The following SLC6A3 variants were observed in gnomAD, a reference collection of about 807,000 sequenced individuals.
The protein encoded by SLC6A3 is solute carrier family 6 member 3.
SLC6A3 carries 19 observed loss-of-function variants against 70.4 expected under a neutral mutation model. The ratio of observed to expected loss-of-function variants is 0.27; its 90% confidence interval spans 0.19 to 0.40. The LOEUF is 0.40. Among genes scored for constraint, SLC6A3 ranks in the 10% least tolerant of loss-of-function variants. SLC6A3 has a pLI of 1.00. For missense variants in SLC6A3, 613 were observed against 838.5 expected (o/e 0.73, Z 3.32); for synonymous variants, 368 against 356.6 (o/e 1.03, Z -0.36).
At chr5:1,403,155 G>A (rs532397620) in intron 12 of SLC6A3, 66 bp from the exon 13 acceptor site, 14 of 1,556,268 alleles carry the variant, frequency 9.0e-6, no homozygotes, top group East Asian at 4.7e-5. Flanking sequence ...AGCAGGGAGC[G>A]GGCAGGCACT....
intron 11 of SLC6A3, among the ~76,000 whole-genome samples, chr5:1,407,375 GA>G (rs28363111): frequency 0.17 from 26,538 of 152,170 alleles, 2,415 homozygotes; most frequent in Non-Finnish European, 0.2. Flanking sequence ...GGTGAGGCCG[GA>G]AGAAGCCAAG....
chr5:1,443,318 G>A (rs1579729765), intron 1 of SLC6A3, 76 bp from the exon 2 acceptor site: 1 of 1,168,982 alleles, frequency 8.6e-7, no homozygotes, highest in East Asian at 2.3e-5. Flanking sequence ...CATACCTGGT[G>A]CGGAGGGCAG....
At chr5:1,409,926 C>T in intron 9 of SLC6A3, 77 bp from the exon 10 acceptor site, 1 of 1,581,192 alleles carries the variant, frequency 6.3e-7, no homozygotes, top group South Asian at 1.1e-5. Context: ...CTACTTGTCA[C>T]CCAGTGGACG....
intron 8 of SLC6A3, among the ~76,000 whole-genome samples, chr5:1,412,907 G>A (rs1435150307): frequency 2.0e-5 from 3 of 152,380 alleles, no homozygotes; most frequent in South Asian, 4.1e-4. Context: ...GACAGCCTCC[G>A]CGTGGGGTGG....
In SLC6A3 at chr5:1,441,420, G is replaced by C; in HGVS notation, c.357C>G (p.Ala119=). ...CCCCTTCCCTGTTGAACTGGCCGAG[G>C]GCCAGCTCCATGTAGAAAAGTGGCA... is the stretch of plus-strand genomic sequence containing the variant. ...AGMPLFYMEL[A]LGQFNREGAA... Residue 119 remains alanine, a synonymous_variant, in exon 3 of 15, where the codon GCC becomes GCG. Transcript: ENST00000270349. 1 of 1,614,212 alleles carries C rather than the reference G, an allele frequency of 6.2e-7. No individual in the cohort carries two copies. Among genetic ancestry groups the C allele is most frequent in the East Asian group, 2.2e-5 (1 of 44,882 alleles).
At chr5:1,434,866 C>T (rs773428250) in intron 3 of SLC6A3, among the ~76,000 whole-genome samples, 1 of 152,104 alleles carries the variant, frequency 6.6e-6, no homozygotes, top group Non-Finnish European at 1.5e-5. Context: ...ACCTTGAAAG[C>T]AAAAAGAAGA....
intron 3 of SLC6A3, among the ~76,000 whole-genome samples, chr5:1,435,630 G>A (rs549463182): frequency 2.6e-5 from 4 of 152,394 alleles, no homozygotes; most frequent in African/African-American, 9.6e-5. Context: ...ATGGGACAGT[G>A]CAGCCCCCAC....
rs113262982 is a variant in SLC6A3, at chr5:1,437,251, C to CA, written c.418+4107dup. On this transcript the variant is annotated intron_variant, in intron 3 of 14. Transcript: ENST00000270349. This position sits in a 1 kb window ranked among gnomAD's most constrained non-coding sequence, Gnocchi z 4.8. ...GGTGACAGAGCGAGATTCCGTCTCACAAAAAAAAAAAAAAAGAAAAGAAAA... is the reference window on the plus strand; with the variant it reads ...GGTGACAGAGCGAGATTCCGTCTCACAAAAAAAAAAAAAAAAGAAAAGAAAA... Among the ~76,000 whole-genome samples the CA allele has an allele frequency of 0.044, 5,171 of 116,792 alleles. 137 individuals are homozygous for CA. The highest frequency in any genetic ancestry group is 0.054 in the Non-Finnish European group (3,054 of 56,956). 76.6% of individuals were successfully genotyped at this position (116,792 alleles called of 152,430 possible). A position where few individuals can be genotyped will look rare whatever the true frequency, so the allele number is the denominator to read the frequency against.
In SLC6A3 at chr5:1,438,302, G is replaced by T. The variant is rs575456003; in HGVS notation, c.418+3057C>A. 6.6e-6 allele frequency among the ~76,000 whole-genome samples: 1 copy of T among 152,342 alleles called. No individual in the cohort carries two copies. The highest frequency in any genetic ancestry group is 6.5e-5 in the Admixed American group (1 of 15,302). ...GGCCACACTTTGCAGCCCTCCTCTG[G>T]GACTAGTCTTCAGAACGAAGCTGGC... On this transcript the variant is annotated intron_variant, in intron 3 of 14. Coordinates refer to ENST00000270349, the MANE Select transcript of SLC6A3 (RefSeq NM_001044.5). This position sits in a 1 kb window ranked among gnomAD's most constrained non-coding sequence, Gnocchi z 6.5.
chr5:1,414,421 C>CAGGGAA (rs781377663), intron 8 of SLC6A3, among the ~76,000 whole-genome samples: 1 of 73,042 alleles, frequency 1.4e-5, no homozygotes, highest in Non-Finnish European at 3.2e-5. Flanking sequence ...AGGGGCAGGG[C>CAGGGAA]GGAGAAGGCA....
rs144264359 is a variant in SLC6A3 at position 1,443,120 on chromosome 5, C to T, written c.78G>A (p.Pro26=). ...APAKEPNAVG[P]KEVELILVKE... The stretch of plus-strand genomic sequence containing the variant: ...TGACAAGGATGAGCTCCACCTCCTT[C>T]GGGCCCACGGCATTGGGCTCCTTAG... The change falls in exon 2 of 15, where the codon CCG becomes CCA. Residue 26 remains proline (P), a synonymous_variant. Coordinates refer to ENST00000270349, the MANE Select transcript of SLC6A3 (RefSeq NM_001044.5). 1.7e-4 allele frequency: 268 copies of T among 1,614,236 alleles called. No homozygotes were observed. In the African/African-American group the frequency reaches 2.8e-3, roughly 17 times the overall value.
In SLC6A3 at chr5:1,414,613, C is replaced by G. The variant is rs1756233266; in HGVS notation, c.1156+78G>C. On this transcript the variant is annotated intron_variant, in intron 8 of 14. Coordinates refer to ENST00000270349, the MANE Select transcript of SLC6A3 (RefSeq NM_001044.5). Reference sequence around the variant, plus strand: ...GGGCCCATGCGTCTCCTTCCTCTTTCACAAGGAAAAAGGCTTTGCTGAGAG... The same window carrying G: ...GGGCCCATGCGTCTCCTTCCTCTTTGACAAGGAAAAAGGCTTTGCTGAGAG... The G allele has an allele frequency of 1.9e-6, 3 of 1,549,868 alleles. No individual in the cohort carries two copies. In the African/African-American group the frequency reaches 4.1e-5, roughly 21 times the overall value.
In SLC6A3 at chr5:1,408,987, CAA is replaced by C. The variant is rs1330553389; in HGVS notation, c.1498+37_1498+38del. On this transcript the variant is annotated intron_variant, in intron 11 of 14. Coordinates refer to ENST00000270349, the MANE Select transcript of SLC6A3 (RefSeq NM_001044.5). This position sits in a 1 kb window ranked among gnomAD's most constrained non-coding sequence, Gnocchi z 6.4. ...GAAGGGGAGTGGCACAGCCACCAAACAAGAGGGTGCCGGCTTGGCTGCCTTCC... is the reference window on the plus strand; with the variant it reads ...GAAGGGGAGTGGCACAGCCACCAAACGAGGGTGCCGGCTTGGCTGCCTTCC... 1 of 1,430,118 alleles carries C rather than the reference CAA, an allele frequency of 7.0e-7. No individual in the cohort carries two copies. The highest frequency in any genetic ancestry group is 1.7e-5 in the Admixed American group (1 of 59,504). The allele number at this position is 1,430,118 out of a possible 1,614,324, so 88.6% of individuals were successfully genotyped here.
chr5:1,434,858 C>G (rs1033617933), intron 3 of SLC6A3, among the ~76,000 whole-genome samples: 14 of 152,074 alleles, frequency 9.2e-5, no homozygotes, highest in Non-Finnish European at 1.6e-4. Context: ...CTCTTCCTAC[C>G]TTGAAAGCAA....
intron 4 of SLC6A3, among the ~76,000 whole-genome samples, chr5:1,423,597 C>T (rs1756512877): frequency 6.6e-6 from 1 of 152,226 alleles, no homozygotes; most frequent in Non-Finnish European, 1.5e-5. Flanking sequence ...TTTGAAGGAT[C>T]CCTCAGAAAG....
rs73028247 is a variant in SLC6A3 at position 1,395,731 on chromosome 5, T to G, written c.1840-973A>C. 2.1e-3 allele frequency among the ~76,000 whole-genome samples: 321 copies of G among 151,934 alleles called. 1 individual carries two copies. Among genetic ancestry groups the G allele is most frequent in the African/African-American group, 7.6e-3 (312 of 41,184 alleles). ...GGCCAGAGCCCTAGAGCAGAGGCTC[T>G]GGGTGGCAGCCCCACTTCAGGCCAG... On this transcript the variant is annotated intron_variant, in intron 14 of 14. Transcript: ENST00000270349.
At position 1,394,503 on chromosome 5, in the gene SLC6A3, T is replaced by A; in HGVS notation, c.*232A>T. 1.6e-6 allele frequency: 1 copy of A among 637,778 alleles called. No homozygotes were observed. Among genetic ancestry groups the A allele is most frequent in the Non-Finnish European group, 2.8e-6 (1 of 351,892 alleles). 39.5% of individuals were successfully genotyped at this position (637,778 alleles called of 1,614,324 possible). A position where few individuals can be genotyped will look rare whatever the true frequency, so the allele number is the denominator to read the frequency against. On this transcript the variant is annotated 3_prime_UTR_variant, in exon 15 of 15. Transcript: ENST00000270349. This position sits in a 1 kb window ranked among gnomAD's most constrained non-coding sequence, Gnocchi z 4.7. ...GGGACAACAACGGGGTGGACCTCGC[T>A]GCACAGATCTACGTCGTTATTACAG... is the stretch of plus-strand genomic sequence containing the variant.
Position 1,406,350 on chromosome 5 carries a change from C to T in SLC6A3, c.1499-62G>A, listed in dbSNP as rs377700753. The stretch of plus-strand genomic sequence containing the variant: ...CAGCGCATTCCCCCGATGCTGGACA[C>T]GTGTGGGGGTCCTCGCTGACTCCCA... On this transcript the variant is annotated intron_variant, in intron 11 of 14. Transcript: ENST00000270349. The surrounding 1 kb of genome is among the most constrained non-coding windows in gnomAD (Gnocchi z 8.8). 4,121 of 1,376,864 alleles carry T rather than the reference C, an allele frequency of 3.0e-3. 117 individuals carry two copies. In the South Asian group the frequency reaches 0.043, roughly 14 times the overall value. 85.3% of individuals were successfully genotyped at this position (1,376,864 alleles called of 1,614,324 possible).
intron 6 of SLC6A3, 86 bp from the exon 7 acceptor site, chr5:1,416,287 C>G: frequency 1.1e-6 from 1 of 927,346 alleles, no homozygotes; most frequent in Non-Finnish European, 1.7e-6. Context: ...TGTCCCAGCC[C>G]CACACTGAGG....
Sources: gnomAD v4.1 joint callset for allele counts (sites outside exome capture counted in the v4.1 genomes callset) on GRCh38, gnomAD v4.1.1 for gene constraint, Gnocchi (gnomAD v3.1) non-coding constraint, MANE v1.5 for transcripts, NCBI Gene and HGNC (gene_info 2026-07-23, HGNC 2026-07-21) for gene names.